OR1L8: variants seen among roughly 807,000 people sequenced by gnomAD.
The protein encoded by OR1L8 is olfactory receptor 1L8.
For synonymous variants in OR1L8, 148 were observed against 147.0 expected (o/e 1.01, Z -0.05); for missense variants, 330 against 377.4 (o/e 0.87, Z 1.04).
At chr9:122,558,381 T>C in the OR1L8 span, among the ~76,000 whole-genome samples, 1 of 143,030 alleles carries the variant, frequency 7.0e-6, no homozygotes, top group Non-Finnish European at 1.5e-5. Flanking sequence ...TCTCTCACCT[T>C]TTGGATAGTT....
At chr9:122,554,347 C>G in the OR1L8 span, 1 of 558,308 alleles carries the variant, frequency 1.8e-6, no homozygotes, top group South Asian at 2.2e-5. Context: ...GATGTTCTGT[C>G]TCAGCCTCTT....
At chr9:122,546,447 G>A in the OR1L8 span, among the ~76,000 whole-genome samples, 1 of 152,150 alleles carries the variant, frequency 6.6e-6, no homozygotes. Flanking sequence ...CTCTTAGAAC[G>A]TTTGCTCGCA....
intron 3 of OR1L8, among the ~76,000 whole-genome samples, chr9:122,574,130 C>A (rs564299783): frequency 7.2e-5 from 11 of 152,184 alleles, no homozygotes; most frequent in African/African-American, 2.6e-4. Context: ...GCTTTGAAGT[C>A]AGGTAGTGTC....
At chr9:122,576,682 T>G (rs1700199468) in intron 3 of OR1L8, 84 bp downstream of exon 3, 2 of 152,260 alleles carry the variant, frequency 1.3e-5, no homozygotes, top group South Asian at 4.1e-4. Context: ...TTTCTATGAC[T>G]GGTTCCCCCT....
At chr9:122,566,386 C>T (rs560245429), downstream of OR1L8, among the ~76,000 whole-genome samples, 2 of 152,280 alleles carry the variant, frequency 1.3e-5, no homozygotes, top group South Asian at 2.1e-4. Context: ...TCCATGTTTC[C>T]CCCTGCCCTT....
the OR1L8 span, chr9:122,553,953 C>T: frequency 6.2e-7 from 1 of 1,613,960 alleles, no homozygotes; most frequent in East Asian, 2.2e-5. Flanking sequence ...TGGTTCTCAT[C>T]TCACGGTGGT....
chr9:122,571,039 T>C (rs1306855680), intron 4 of OR1L8, among the ~76,000 whole-genome samples: 2 of 152,202 alleles, frequency 1.3e-5, no homozygotes, highest in Non-Finnish European at 2.9e-5. Flanking sequence ...ATACATATCT[T>C]ACAATCGTGC....
downstream of OR1L8, among the ~76,000 whole-genome samples, chr9:122,563,633 T>A (rs892754129): frequency 2.6e-5 from 4 of 152,248 alleles, no homozygotes; most frequent in African/African-American, 9.6e-5. Flanking sequence ...TCCATTTGTC[T>A]ATTTTTGCTT....
chr9:122,553,000 T>C, the OR1L8 span: 1 of 607,368 alleles, frequency 1.6e-6, no homozygotes. Context: ...TGAATGGATA[T>C]TATCTTAACT....
At chr9:122,551,678 AAG>A in the OR1L8 span, among the ~76,000 whole-genome samples, 1 of 152,128 alleles carries the variant, frequency 6.6e-6, no homozygotes, top group East Asian at 1.9e-4. Flanking sequence ...ACCCCTGGGA[AAG>A]AGAGGTCCTC....
chr9:122,548,517 C>T, the OR1L8 span, among the ~76,000 whole-genome samples: 1 of 152,034 alleles, frequency 6.6e-6, no homozygotes, highest in Non-Finnish European at 1.5e-5. Context: ...CAAAGTGACT[C>T]ATTAGGAGAT....
the OR1L8 span, chr9:122,554,148 A>G: frequency 6.2e-7 from 1 of 1,611,056 alleles, no homozygotes; most frequent in African/African-American, 1.3e-5. Flanking sequence ...CAGTGGAAAA[A>G]CATTCTTTTT....
chr9:122,562,340 G>A (rs778569956), downstream of OR1L8, among the ~76,000 whole-genome samples: 4 of 152,248 alleles, frequency 2.6e-5, no homozygotes, highest in Non-Finnish European at 5.9e-5. Context: ...TGCAGCTGTG[G>A]TGATGGCTGC....
chr9:122,548,218 T>C, the OR1L8 span, among the ~76,000 whole-genome samples: 64 of 152,312 alleles, frequency 4.2e-4, no homozygotes, highest in African/African-American at 1.3e-3. Context: ...AAATGAGGAA[T>C]AGTAAATTGT....
At chr9:122,575,096 T>C (rs996487815) in intron 3 of OR1L8, among the ~76,000 whole-genome samples, 8 of 152,110 alleles carry the variant, frequency 5.3e-5, no homozygotes, top group African/African-American at 1.9e-4. Flanking sequence ...TGGATTCAAT[T>C]TGCAAACATT....
At chr9:122,551,014 G>C in the OR1L8 span, among the ~76,000 whole-genome samples, 2 of 151,214 alleles carry the variant, frequency 1.3e-5, no homozygotes, top group African/African-American at 4.9e-5. Context: ...ATACCTTAAA[G>C]ATTCCTCCAG....
chr9:122,555,170 A>C, the OR1L8 span, among the ~76,000 whole-genome samples: 2 of 152,220 alleles, frequency 1.3e-5, no homozygotes, highest in Non-Finnish European at 2.9e-5. Flanking sequence ...AGAGAAAAAG[A>C]AGCACTGAAA....
At chr9:122,575,486 GAGTTGTTCATAGTATTTCTTTA>G (rs1170252728) in intron 3 of OR1L8, among the ~76,000 whole-genome samples, 1 of 152,114 alleles carries the variant, frequency 6.6e-6, no homozygotes, top group East Asian at 1.9e-4. Context: ...TGTGGGTACA[GAGTTGTTCATAGTATTTCTTTA>G]TTTTCTTTTA....
chr9:122,569,064 C>T (rs1379874188), intron 4 of OR1L8, among the ~76,000 whole-genome samples: 1 of 150,620 alleles, frequency 6.6e-6, no homozygotes, highest in African/African-American at 2.4e-5. Context: ...TTGAAAAAAA[C>T]TAATGGTTTT....
Sources: allele counts gnomAD v4.1 joint callset (sites outside exome capture counted in the v4.1 genomes callset), GRCh38; gene constraint gnomAD v4.1.1; transcripts MANE v1.5; gene names NCBI Gene and HGNC (gene_info 2026-07-23, HGNC 2026-07-21).